The following LRRC4C variants were observed in gnomAD, a reference collection of about 807,000 sequenced individuals.
LRRC4C encodes leucine rich repeat containing 4C, also known as leucine-rich repeat-containing protein 4C.
Under a neutral mutation model 33.6 loss-of-function variants are expected in LRRC4C, and 5 were observed. The ratio of observed to expected loss-of-function variants is 0.15; its 90% CI spans 0.08 to 0.31. The LOEUF (loss-of-function observed/expected upper bound fraction) is 0.31, where lower values mean the gene tolerates loss of function less well. LRRC4C is among the 10% of genes least tolerant of loss of function. LRRC4C has a pLI of 1.00. For synonymous variants in LRRC4C, 329 were observed against 302.0 expected, an observed-to-expected ratio of 1.09 and a Z score of -0.93; for missense variants, 560 against 796.7, an observed-to-expected ratio of 0.70 and a Z score of 3.58.
chr11:40,123,143 C>T (rs1855958614), intron 6 of LRRC4C, among the ~76,000 whole-genome samples: 1 of 151,998 alleles, frequency 6.6e-6, no homozygotes, highest in Admixed American at 6.6e-5. Context: ...GTTGCAACTA[C>T]TCAGTTATGC....
chr11:40,674,729 T>C (rs1944310776), intron 2 of LRRC4C, among the ~76,000 whole-genome samples: 1 of 152,182 alleles, frequency 6.6e-6, no homozygotes, highest in Non-Finnish European at 1.5e-5. Flanking sequence ...ATAATAATGA[T>C]GATTACGAGG....
At chr11:41,136,868 GA>G (rs1943285772) in intron 1 of LRRC4C, among the ~76,000 whole-genome samples, 1 of 152,162 alleles carries the variant, frequency 6.6e-6, no homozygotes, top group African/African-American at 2.4e-5. Flanking sequence ...CTGCCACAAG[GA>G]AAAGCCTTAA....
At chr11:41,346,923 ATTT>A (rs1435327567) in intron 1 of LRRC4C, among the ~76,000 whole-genome samples, 1 of 152,236 alleles carries the variant, frequency 6.6e-6, no homozygotes, top group East Asian at 1.9e-4. Flanking sequence ...AAAATCCAGA[ATTT>A]ATAGTAAATG....
intron 2 of LRRC4C, among the ~76,000 whole-genome samples, chr11:40,799,201 A>G (rs577251326): frequency 2.6e-5 from 4 of 152,236 alleles, no homozygotes; most frequent in African/African-American, 9.6e-5. Flanking sequence ...TTTTTAAATT[A>G]TGCAATTTTC....
At chr11:41,387,162 A>G (rs1044869213) in intron 1 of LRRC4C, among the ~76,000 whole-genome samples, 1 of 151,500 alleles carries the variant, frequency 6.6e-6, no homozygotes, top group Non-Finnish European at 1.5e-5. Flanking sequence ...TTTCTCCTGT[A>G]GATAACTAGA....
At chr11:41,355,524 T>C (rs1247375091) in intron 1 of LRRC4C, among the ~76,000 whole-genome samples, 1 of 152,106 alleles carries the variant, frequency 6.6e-6, no homozygotes, top group Non-Finnish European at 1.5e-5. Context: ...TGTTAATTCT[T>C]CCCAATTTGT....
At chr11:40,956,360 G>C (rs1958953861) in intron 1 of LRRC4C, among the ~76,000 whole-genome samples, 1 of 151,212 alleles carries the variant, frequency 6.6e-6, no homozygotes, top group Non-Finnish European at 1.5e-5. Context: ...GATTTAGGTA[G>C]TGAGCATTGC....
chr11:41,071,712 A>G (rs1181483463), intron 1 of LRRC4C, among the ~76,000 whole-genome samples: 2 of 152,186 alleles, frequency 1.3e-5, no homozygotes, highest in African/African-American at 4.8e-5. Context: ...CTTATTATTT[A>G]AGCAATACAT....
chr11:41,221,861 C>T (rs1947324116), intron 1 of LRRC4C, among the ~76,000 whole-genome samples: 1 of 152,088 alleles, frequency 6.6e-6, no homozygotes. Flanking sequence ...CTATAAATAC[C>T]CACACAGAGG....
intron 1 of LRRC4C, among the ~76,000 whole-genome samples, chr11:41,047,913 T>G (rs1437196322): frequency 6.6e-6 from 1 of 152,152 alleles, no homozygotes; most frequent in Non-Finnish European, 1.5e-5. Flanking sequence ...AAGGGGAAAC[T>G]ATATAGCTAA....
chr11:41,132,167 A>G (rs1031928892), intron 1 of LRRC4C, among the ~76,000 whole-genome samples: 8 of 152,160 alleles, frequency 5.3e-5, no homozygotes, highest in Non-Finnish European at 7.4e-5. Flanking sequence ...TCCAGTAACA[A>G]TATCTTTCAC....
intron 1 of LRRC4C, among the ~76,000 whole-genome samples, chr11:41,225,079 C>T (rs1947469751): frequency 6.6e-6 from 1 of 152,002 alleles, no homozygotes; most frequent in South Asian, 2.1e-4. Flanking sequence ...CAAATCAAAA[C>T]ATTTTGAACA....
intron 1 of LRRC4C, among the ~76,000 whole-genome samples, chr11:41,442,482 T>C (rs1283903542): frequency 7.3e-6 from 1 of 136,790 alleles, no homozygotes; most frequent in Non-Finnish European, 1.6e-5. Context: ...TTTTTTTTTT[T>C]TTTTTGAGAC....
Position 41,325,577 on chromosome 11 carries a change from T to TTGTGTGTG in LRRC4C, c.-496+133846_-496+133853dup, listed in dbSNP as rs71466928. Among the ~76,000 whole-genome samples, 262 of 104,152 alleles carry TTGTGTGTG rather than the reference T, an allele frequency of 2.5e-3. 3 individuals carry two copies. Among genetic ancestry groups the TTGTGTGTG allele is most frequent in the African/African-American group, 8.5e-3 (249 of 29,272 alleles). 68.3% of individuals were successfully genotyped at this position (104,152 alleles called of 152,430 possible). The stretch of plus-strand genomic sequence containing the variant: ...TTATTGTCCTTATAGTTTTTTTTTT[T>TTGTGTGTG]TGTGTGTGTGTGTGTGTGTGTGTGT... On this transcript the variant is annotated intron_variant, in intron 1 of 6. Coordinates refer to ENST00000528697, the MANE Select transcript of LRRC4C (RefSeq NM_001258419.2).
intron 3 of LRRC4C, among the ~76,000 whole-genome samples, chr11:40,591,537 C>T (rs558794508): frequency 6.6e-6 from 1 of 152,328 alleles, no homozygotes; most frequent in African/African-American, 2.4e-5. Context: ...TACGTGACAA[C>T]TTCTCAGGTG....
chr11:40,524,245 T>C, intron 3 of LRRC4C, among the ~76,000 whole-genome samples: 1 of 152,168 alleles, frequency 6.6e-6, no homozygotes, highest in East Asian at 1.9e-4. Context: ...ATTAAGCAAA[T>C]CATTTCTGTC....
At chr11:40,262,049 C>T (rs1289863890) in intron 4 of LRRC4C, among the ~76,000 whole-genome samples, 1 of 152,136 alleles carries the variant, frequency 6.6e-6, no homozygotes, top group African/African-American at 2.4e-5. Context: ...AGGCAACCTA[C>T]AGAATGGGAG....
chr11:40,176,525 C>CTT (rs60000344), intron 5 of LRRC4C, among the ~76,000 whole-genome samples: 2 of 148,718 alleles, frequency 1.3e-5, no homozygotes, highest in Admixed American at 6.7e-5. Flanking sequence ...TTTATGGATT[C>CTT]TTTTTTTTCC....
At chr11:40,213,252 A>T (rs954597775) in intron 5 of LRRC4C, among the ~76,000 whole-genome samples, 1 of 152,262 alleles carries the variant, frequency 6.6e-6, no homozygotes, top group South Asian at 2.1e-4. Flanking sequence ...AGTTATGCCT[A>T]TTAATAGCTT....
Sources: gnomAD v4.1 joint callset for allele counts (sites outside exome capture counted in the v4.1 genomes callset) on GRCh38, gnomAD v4.1.1 for gene constraint, MANE v1.5 for transcripts, NCBI Gene and HGNC (gene_info 2026-07-23, HGNC 2026-07-21) for gene names.